Variants in CUL1 observed in about 807,000 individuals in gnomAD.
The protein encoded by CUL1 is cullin 1, also known as cullin-1.
Under a neutral mutation model 118.0 loss-of-function variants are expected in CUL1, and 24 were observed. That is an observed-to-expected ratio of 0.20 (90% CI 0.15 to 0.29). The LOEUF (loss-of-function observed/expected upper bound fraction) is 0.29. Ranked by LOEUF, CUL1 falls within the 10% of genes least tolerant of loss-of-function variation. The pLI, the probability that CUL1 is intolerant of heterozygous loss-of-function variation, is 1.00. For synonymous variants in CUL1, 332 were observed against 340.4 expected, an observed-to-expected ratio of 0.98 and a Z score of 0.27; for missense variants, 361 against 933.8, an observed-to-expected ratio of 0.39 and a Z score of 7.99.
upstream of CUL1, chr7:148,698,364 G>T (rs1054200784): frequency 6.6e-6 from 1 of 152,320 alleles, no homozygotes; most frequent in Non-Finnish European, 1.5e-5. Flanking sequence ...CGTTTCTCCA[G>T]AGGCTGGTGG....
At chr7:148,783,018 T>G (rs1350525357) in intron 9 of CUL1, among the ~76,000 whole-genome samples, 1 of 152,196 alleles carries the variant, frequency 6.6e-6, no homozygotes, top group Non-Finnish European at 1.5e-5. Context: ...AAACAGCACC[T>G]GCTGCCCAGT....
chr7:148,776,555 G>A (rs1417895590), intron 9 of CUL1, among the ~76,000 whole-genome samples: 1 of 151,944 alleles, frequency 6.6e-6, no homozygotes, highest in African/African-American at 2.4e-5. Flanking sequence ...GACCTCAGGT[G>A]ATCCACCCTC....
chr7:148,735,481 G>C (rs1798909457), intron 2 of CUL1, among the ~76,000 whole-genome samples: 1 of 152,216 alleles, frequency 6.6e-6, no homozygotes, highest in South Asian at 2.1e-4. Context: ...CCTGCTCACT[G>C]CAAAATTCTC....
At chr7:148,784,600 T>C (rs563856465) in intron 11 of CUL1, among the ~76,000 whole-genome samples, 1 of 152,346 alleles carries the variant, frequency 6.6e-6, no homozygotes, top group South Asian at 2.1e-4. Context: ...TGTTTGTGTG[T>C]TCTGGTTTTT....
intron 9 of CUL1, among the ~76,000 whole-genome samples, chr7:148,773,238 A>G (rs150654081): frequency 3.4e-4 from 52 of 152,248 alleles, no homozygotes; most frequent in Non-Finnish European, 6.3e-4. Context: ...TAATTAGCCC[A>G]CATTTTCATG....
At chr7:148,698,861 A>AGGG (rs1184576614), upstream of CUL1, 1 of 152,330 alleles carries the variant, frequency 6.6e-6, no homozygotes, top group African/African-American at 2.5e-5. Flanking sequence ...CCGGGCGGGC[A>AGGG]GGGGAGGAGG....
intron 9 of CUL1, 147 bp from the exon 10 acceptor site, chr7:148,783,636 A>G (rs763137178): frequency 2.3e-5 from 35 of 1,541,526 alleles, no homozygotes; most frequent in Non-Finnish European, 3.1e-5. Context: ...ATGGTACCAA[A>G]AGTATTTCTT....
At chr7:148,725,219 G>GCGCGCGCGCGCACACACACA in intron 1 of CUL1, among the ~76,000 whole-genome samples, 3 of 140,060 alleles carry the variant, frequency 2.1e-5, no homozygotes, top group Non-Finnish European at 4.6e-5. Flanking sequence ...ACACGCGCGC[G>GCGCGCGCGCGCACACACACA]CTCACACACA....
At chr7:148,736,164 A>G (rs973276887) in intron 2 of CUL1, among the ~76,000 whole-genome samples, 1 of 152,102 alleles carries the variant, frequency 6.6e-6, no homozygotes, top group African/African-American at 2.4e-5. Context: ...ACACAGTGAG[A>G]CCCTGTTTTT....
chr7:148,758,534 T>C (rs1799733928), intron 4 of CUL1, among the ~76,000 whole-genome samples: 1 of 152,142 alleles, frequency 6.6e-6, no homozygotes, highest in African/African-American at 2.4e-5. Flanking sequence ...GAAGCATCAC[T>C]TGAGCCCAGG....
intron 2 of CUL1, among the ~76,000 whole-genome samples, chr7:148,751,303 T>G (rs1799482844): frequency 6.6e-6 from 1 of 152,028 alleles, no homozygotes; most frequent in Non-Finnish European, 1.5e-5. Flanking sequence ...TCCTAGCAAC[T>G]TTGGGAGGTC....
Position 148,709,251 on chromosome 7 carries a change from G to A in CUL1, c.-162+10222G>A, listed in dbSNP as rs1243441237. On this transcript the variant is annotated intron_variant, in intron 1 of 21. Transcript: ENST00000325222. The stretch of plus-strand genomic sequence containing the variant: ...AGTACAGGCCAAACTGCGTATATGC[G>A]CATACATACTCTGGGCTTTGTGTGT... Among the ~76,000 whole-genome samples the A allele has an allele frequency of 2.0e-5, 3 of 152,164 alleles. No individual in the cohort carries two copies. The South Asian group carries it at 6.2e-4, about 32-fold the overall frequency.
At chr7:148,754,558 G>C (rs1214667957) in intron 3 of CUL1, among the ~76,000 whole-genome samples, 1 of 152,076 alleles carries the variant, frequency 6.6e-6, no homozygotes, top group East Asian at 1.9e-4. Context: ...TTTTGGATTT[G>C]GTTGTTAGAA....
At chr7:148,759,015 AG>A (rs1410394558) in intron 4 of CUL1, among the ~76,000 whole-genome samples, 4 of 152,232 alleles carry the variant, frequency 2.6e-5, no homozygotes, top group African/African-American at 9.6e-5. Flanking sequence ...GTAACATCAC[AG>A]ACTCCTAAAA....
intron 11 of CUL1, among the ~76,000 whole-genome samples, chr7:148,785,960 G>A (rs898462986): frequency 6.6e-6 from 1 of 152,166 alleles, no homozygotes; most frequent in African/African-American, 2.4e-5. Context: ...ATATGAATTA[G>A]GGGGTCTTGT....
chr7:148,738,285 T>C (rs894796541), intron 2 of CUL1, among the ~76,000 whole-genome samples: 1 of 152,192 alleles, frequency 6.6e-6, no homozygotes, highest in African/African-American at 2.4e-5. Flanking sequence ...GTCACACACA[T>C]GGTACCTGGC....
chr7:148,753,782 C>T (rs1320156690), intron 2 of CUL1, among the ~76,000 whole-genome samples, 194 bp from the exon 3 acceptor site: 4 of 152,234 alleles, frequency 2.6e-5, no homozygotes, highest in Non-Finnish European at 5.9e-5. Flanking sequence ...GGCCTACCAA[C>T]AACCTTGTGA....
In CUL1 at chr7:148,783,879, G is replaced by A; in HGVS notation, c.1180G>A (p.Ala394Thr). The change falls in exon 10 of 22, where the codon GCT becomes ACT. Residue 394 changes from alanine to threonine, a missense_variant. Coordinates refer to ENST00000325222, the MANE Select transcript of CUL1 (RefSeq NM_003592.3). ...CAACAATGACGCTGGCTTTGTGGCT[G>A]CTCTTGATAAGGTAGGTGCGTGAGG... ...AFNNDAGFVAALDKACGRFIN... is the reference protein window; with the variant it reads ...AFNNDAGFVATLDKACGRFIN... The A allele has an allele frequency of 6.2e-7, 1 of 1,614,138 alleles. No individual in the cohort carries two copies. Among genetic ancestry groups the A allele is most frequent in the Non-Finnish European group, 8.5e-7 (1 of 1,180,000 alleles).
At chr7:148,705,902 C>T (rs973193967) in intron 1 of CUL1, among the ~76,000 whole-genome samples, 1 of 152,180 alleles carries the variant, frequency 6.6e-6, no homozygotes. Context: ...CGTTTGCTTG[C>T]CATTTTATCT....
Sources: allele counts gnomAD v4.1 joint callset (sites outside exome capture counted in the v4.1 genomes callset), GRCh38; gene constraint gnomAD v4.1.1; transcripts MANE v1.5; gene names NCBI Gene and HGNC (gene_info 2026-07-23, HGNC 2026-07-21).